Variants in TGFBR3 observed in about 807,000 individuals in gnomAD.
TGFBR3 encodes the protein transforming growth factor beta receptor 3.
TGFBR3 carries 46 observed loss-of-function variants against 87.9 expected under a neutral mutation model. The ratio of observed to expected loss-of-function variants is 0.52; its 90% CI spans 0.41 to 0.67. The LOEUF is 0.67. TGFBR3 is among the 30% of genes least tolerant of loss of function. The pLI is 0.00. For missense variants in TGFBR3, 866 were observed against 1,041.9 expected, an observed-to-expected ratio of 0.83 and a Z score of 2.32; for synonymous variants, 381 against 391.6, an observed-to-expected ratio of 0.97 and a Z score of 0.32.
At chr1:91,710,277 CA>C (rs1571428811) in intron 13 of TGFBR3, among the ~76,000 whole-genome samples, 2 of 152,244 alleles carry the variant, frequency 1.3e-5, no homozygotes. Flanking sequence ...CTTACCCCCT[CA>C]AAAAGAGAAA....
At position 91,880,514 on chromosome 1, in the gene TGFBR3, C is replaced by T. The variant is rs1306526313; in HGVS notation, c.-114+5364G>A. Among the ~76,000 whole-genome samples, 5 of 152,150 alleles carry T rather than the reference C, an allele frequency of 3.3e-5. No homozygotes were observed. In the East Asian group the frequency reaches 9.7e-4, roughly 29 times the overall value. On this transcript the variant is annotated intron_variant, in intron 1 of 16. Coordinates refer to ENST00000212355, the MANE Select transcript of TGFBR3 (RefSeq NM_003243.5). Reference sequence around the variant, plus strand: ...TCGGGAGACTGAGGCAAGAGAATGGCGTGAACCAGGGAGGCGGAGCTTGCA... The same window carrying T: ...TCGGGAGACTGAGGCAAGAGAATGGTGTGAACCAGGGAGGCGGAGCTTGCA...
intron 2 of TGFBR3, among the ~76,000 whole-genome samples, chr1:91,836,478 C>T (rs975172781): frequency 4.6e-5 from 7 of 151,992 alleles, no homozygotes; most frequent in South Asian, 4.2e-4. Context: ...CAGTGGCAGC[C>T]GTGGGATATG....
At chr1:91,887,236 C>CTTT (rs71087977), upstream of TGFBR3, among the ~76,000 whole-genome samples, 68 of 41,396 alleles carry the variant, frequency 1.6e-3, 13 homozygotes, top group South Asian at 2.7e-3. Flanking sequence ...GGACCTATGC[C>CTTT]TTTTTTTTTT....
chr1:91,798,539 C>T (rs996564277), intron 2 of TGFBR3, among the ~76,000 whole-genome samples: 2 of 152,110 alleles, frequency 1.3e-5, no homozygotes, highest in African/African-American at 4.8e-5. Context: ...ACTCTCACTC[C>T]GCCCCCACAA....
chr1:91,749,384 G>A (rs1386607218), intron 4 of TGFBR3, among the ~76,000 whole-genome samples: 2 of 152,156 alleles, frequency 1.3e-5, no homozygotes, highest in South Asian at 2.1e-4. Context: ...CTAGCACAGT[G>A]GCATTAAGGA....
chr1:91,698,166 G>C, intron 14 of TGFBR3, 36 bp from the exon 15 acceptor site: 2 of 1,588,066 alleles, frequency 1.3e-6, no homozygotes, highest in Non-Finnish European at 1.7e-6. Context: ...GTATTCTATG[G>C]AGAACCAAGA....
chr1:91,865,379 A>G (rs1235021157), intron 1 of TGFBR3, among the ~76,000 whole-genome samples: 1 of 152,000 alleles, frequency 6.6e-6, no homozygotes, highest in African/African-American at 2.4e-5. Flanking sequence ...AACATGGCAC[A>G]TGTATACCTA....
intron 3 of TGFBR3, among the ~76,000 whole-genome samples, chr1:91,787,919 C>A (rs1489309017): frequency 6.8e-6 from 1 of 147,036 alleles, no homozygotes; most frequent in African/African-American, 2.6e-5. Context: ...GCCTGGGCGA[C>A]AGAGCCAGAC....
intron 1 of TGFBR3, among the ~76,000 whole-genome samples, chr1:91,885,668 C>T (rs946406007): frequency 6.6e-6 from 1 of 152,194 alleles, no homozygotes; most frequent in African/African-American, 2.4e-5. Context: ...CCGCTGCCCA[C>T]GCACCGCTGG....
intron 4 of TGFBR3, among the ~76,000 whole-genome samples, chr1:91,739,072 G>A (rs1360021940): frequency 6.6e-6 from 1 of 152,200 alleles, no homozygotes; most frequent in Non-Finnish European, 1.5e-5. Context: ...AGGTTGGTAG[G>A]ACACAGGGCT....
intron 3 of TGFBR3, among the ~76,000 whole-genome samples, chr1:91,768,002 C>T (rs1388390645): frequency 3.3e-5 from 5 of 151,980 alleles, no homozygotes; most frequent in South Asian, 2.1e-4. Context: ...CACCTGAGGT[C>T]GGGAGTTCAA....
At chr1:91,876,591 A>G (rs1158874857) in intron 1 of TGFBR3, among the ~76,000 whole-genome samples, 1 of 152,174 alleles carries the variant, frequency 6.6e-6, no homozygotes, top group Non-Finnish European at 1.5e-5. Flanking sequence ...AAACCATAGC[A>G]CCACTACCAG....
At position 91,681,762 on chromosome 1, in the gene TGFBR3, T is replaced by C. The variant is rs1269284631; in HGVS notation, c.*1977A>G. ...GCTATAAGTGACTTAAAGACTCTAG[T>C]CTTCTTTGAAGACATCTTTAAACTT... On this transcript the variant is annotated 3_prime_UTR_variant, in exon 17 of 17. Coordinates refer to ENST00000212355, the MANE Select transcript of TGFBR3 (RefSeq NM_003243.5). The C allele has an allele frequency of 2.3e-6, 1 of 442,940 alleles. No homozygotes were observed. Among genetic ancestry groups the C allele is most frequent in the Admixed American group, 2.5e-5 (1 of 39,990 alleles). The allele number at this position is 442,940 out of a possible 1,614,324, so 27.4% of individuals were successfully genotyped here.
intron 8 of TGFBR3, among the ~76,000 whole-genome samples, chr1:91,720,447 T>TCTGTGCC (rs1481748330): frequency 1.0e-4 from 16 of 152,386 alleles, no homozygotes; most frequent in African/African-American, 3.6e-4. Flanking sequence ...GGCTTGCTTC[T>TCTGTGCC]CTGTGCCTCA....
At chr1:91,852,971 A>G (rs990264560) in intron 2 of TGFBR3, among the ~76,000 whole-genome samples, 3 of 151,504 alleles carry the variant, frequency 2.0e-5, no homozygotes, top group Admixed American at 2.0e-4. Context: ...CCTGGGCAAC[A>G]TGGCGGAACC....
At chr1:91,812,641 C>T (rs556962697) in intron 2 of TGFBR3, among the ~76,000 whole-genome samples, 34 of 152,138 alleles carry the variant, frequency 2.2e-4, no homozygotes, top group Non-Finnish European at 4.4e-4. Flanking sequence ...GAGGTGGAGT[C>T]TCGCTCAGTC....
chr1:91,726,184 A>G (rs1050202598), intron 7 of TGFBR3, among the ~76,000 whole-genome samples: 3 of 152,212 alleles, frequency 2.0e-5, no homozygotes, highest in African/African-American at 4.8e-5. Flanking sequence ...CAGGACTGCC[A>G]TGGACCAGGC....
intron 1 of TGFBR3, among the ~76,000 whole-genome samples, chr1:91,901,442 G>A (rs1352428656): frequency 3.3e-5 from 5 of 152,136 alleles, no homozygotes; most frequent in African/African-American, 1.2e-4. Context: ...GCAATAGGCT[G>A]ATTATTTATG....
intron 3 of TGFBR3, among the ~76,000 whole-genome samples, chr1:91,771,361 G>A (rs962199084): frequency 1.3e-5 from 2 of 152,118 alleles, no homozygotes; most frequent in African/African-American, 4.8e-5. Context: ...TTCATGTTTA[G>A]GAAGTTGAGG....
Sources: gnomAD v4.1 joint callset for allele counts (sites outside exome capture counted in the v4.1 genomes callset) on GRCh38, gnomAD v4.1.1 for gene constraint, MANE v1.5 for transcripts, NCBI Gene and HGNC (gene_info 2026-07-23, HGNC 2026-07-21) for gene names.